The following LCTL variants were observed in gnomAD, a reference collection of about 807,000 sequenced individuals.
The protein encoded by LCTL is lactase like.
A neutral mutation model predicts 75.8 loss-of-function variants in LCTL; 76 were observed. The observed-to-expected ratio is 1.00, with a 90% CI of 0.83 to 1.21. The LOEUF (loss-of-function observed/expected upper bound fraction) is 1.21. Ranked by LOEUF, LCTL falls within the 50% of genes most tolerant of loss-of-function variation. The probability of loss-of-function intolerance (pLI) is 0.00; values close to 1 mark genes in which losing one functional copy is unlikely to be tolerated. For missense variants in LCTL, 670 were observed against 712.4 expected (o/e 0.94, Z 0.68); for synonymous variants, 271 against 268.8 (o/e 1.01, Z -0.08).
At chr15:66,561,094 G>T in exon 6 of LCTL, 1 of 1,614,146 alleles carries the variant, frequency 6.2e-7, no homozygotes, top group Non-Finnish European at 8.5e-7. Flanking sequence ...GCCTTTTTCT[G>T]CCATTGCCTA....
Position 66,564,952 on chromosome 15 carries a change from C to A in LCTL, c.119-113G>T, listed in dbSNP as rs7403574. On this transcript the variant is annotated intron_variant, in intron 1 of 12. Coordinates refer to ENST00000341509, the Ensembl canonical transcript of LCTL. ...GACTGCCCCTCCCTACCACGCTGCC[C>A]CTGTCCCACTGGGGACTTGTCTTCC... The A allele has an allele frequency of 6.6e-4, 644 of 969,340 alleles. 12 individuals carry two copies. The South Asian group carries it at 9.7e-3, about 15-fold the overall frequency. 60.0% of individuals were successfully genotyped at this position (969,340 alleles called of 1,614,324 possible).
At chr15:66,554,073 C>T (rs973497145) in intron 8 of LCTL, among the ~76,000 whole-genome samples, 3 of 151,830 alleles carry the variant, frequency 2.0e-5, no homozygotes, top group Admixed American at 6.6e-5. Context: ...GGGCAGATCA[C>T]GATGTTTAGG....
At position 66,564,667 on chromosome 15, in the gene LCTL, C is replaced by T. The variant is rs371589545; in HGVS notation, c.282+9G>A. The stretch of plus-strand genomic sequence containing the variant: ...CGCGCACACACACACACTCACACCC[C>T]GCACTCACCTGGACCTTGTAGTAGC... On this transcript the variant is annotated intron_variant, in intron 2 of 12. Coordinates refer to ENST00000341509, the Ensembl canonical transcript of LCTL. 3.5e-5 allele frequency: 57 copies of T among 1,610,172 alleles called. No individual in the cohort carries two copies. The highest frequency in any genetic ancestry group is 1.1e-4 in the African/African-American group (8 of 74,544).
chr15:66,549,811 T>G (rs1895529908), intron 12 of LCTL: 1 of 364,848 alleles, frequency 2.7e-6, no homozygotes, highest in Non-Finnish European at 4.9e-6. Context: ...TCTGAAAGAA[T>G]AAAACTTGAA....
At chr15:66,564,908 G>T in intron 1 of LCTL, 69 bp from the exon 3 acceptor site, 1 of 1,467,610 alleles carries the variant, frequency 6.8e-7, no homozygotes, top group Non-Finnish European at 9.2e-7. Context: ...ACTCTGGGCT[G>T]TGCCTCCCAG....
chr15:66,565,611 G>C, upstream of LCTL: 1 of 482,342 alleles, frequency 2.1e-6, no homozygotes, highest in African/African-American at 2.0e-5. Flanking sequence ...CTTGGCTCCT[G>C]TCTGATGGGG....
At chr15:66,564,592 G>T in intron 2 of LCTL, 84 bp downstream of exon 3, 1 of 1,466,430 alleles carries the variant, frequency 6.8e-7, no homozygotes, top group Non-Finnish European at 9.2e-7. Flanking sequence ...TCCCCCAAAC[G>T]TCACTCCCTG....
chr15:66,554,229 T>C (rs1365030789), intron 8 of LCTL, among the ~76,000 whole-genome samples: 2 of 144,596 alleles, frequency 1.4e-5, no homozygotes, highest in Admixed American at 1.4e-4. Flanking sequence ...AGGTGGAGGT[T>C]GCAGTGAGCC....
intron 8 of LCTL, among the ~76,000 whole-genome samples, chr15:66,555,208 G>A (rs562565695): frequency 3.0e-4 from 45 of 152,080 alleles, no homozygotes; most frequent in Non-Finnish European, 5.4e-4. Context: ...ACCAGCTATC[G>A]TCATTGTCCT....
In LCTL at chr15:66,553,141, C is replaced by T. The variant is rs377660237; in HGVS notation, c.1040G>A (p.Arg347Gln). Residue 347 changes from arginine (R) to glutamine (Q), a missense_variant, in exon 9 of 13, where the codon CGG becomes CAG. By Grantham distance (43) the Arg-to-Gln change is conservative. Coordinates refer to ENST00000341509, the Ensembl canonical transcript of LCTL. ...GGGGTAGTTCCTTTCCGTGATGTACCGAGTAGTAAAATGACCTAATCCCAA... is the reference window on the plus strand; with the variant it reads ...GGGGTAGTTCCTTTCCGTGATGTACTGAGTAGTAAAATGACCTAATCCCAA... 9.9e-6 allele frequency: 16 copies of T among 1,611,758 alleles called. No individual in the cohort carries two copies. The highest frequency in any genetic ancestry group is 2.7e-5 in the African/African-American group (2 of 74,854).
In LCTL at chr15:66,548,839, T is replaced by G. The variant is rs138643829; in HGVS notation, c.1589-234A>C. The stretch of plus-strand genomic sequence containing the variant: ...TGGGATAAATGCCTGAATTTGGTTC[T>G]TCTACAGGTGCTATAATAAAGTCCA... On this transcript the variant is annotated intron_variant, in intron 12 of 12. Coordinates refer to ENST00000341509, the Ensembl canonical transcript of LCTL. 970 of 292,480 alleles carry G rather than the reference T, an allele frequency of 3.3e-3. 3 individuals carry two copies. The highest frequency in any genetic ancestry group is 7.4e-3 in the Middle Eastern group (7 of 952). 18.1% of individuals were successfully genotyped at this position (292,480 alleles called of 1,614,324 possible). A position where few individuals can be genotyped will look rare whatever the true frequency, so the allele number is the denominator to read the frequency against.
exon 5 of LCTL, chr15:66,561,188 C>A (rs762015361): frequency 1.9e-6 from 3 of 1,614,196 alleles, no homozygotes; most frequent in Non-Finnish European, 2.5e-6. Context: ...CCTGCTTACC[C>A]GAGGATCACT....
At chr15:66,552,900 T>C in intron 9 of LCTL, 84 bp downstream of exon 10, 1 of 1,246,102 alleles carries the variant, frequency 8.0e-7, no homozygotes, top group Non-Finnish European at 1.1e-6. Flanking sequence ...TTTATTAACT[T>C]TCTAATGTAG....
rs761602593 is a variant in LCTL at position 66,564,754 on chromosome 15, G to A, written c.204C>T (p.Val68=). The change falls in exon 2 of 13, where the codon GTC becomes GTT. Residue 68 remains valine (V), a synonymous_variant. Coordinates refer to ENST00000341509, the Ensembl canonical transcript of LCTL. Reference sequence around the variant, plus strand: ...CTTTCCCCTTCCCACTGTGTGTGAAGACGTCCCAGATGCTAGGCCCTTTCC... The same window carrying A: ...CTTTCCCCTTCCCACTGTGTGTGAAAACGTCCCAGATGCTAGGCCCTTTCC... 26 of 1,613,488 alleles carry A rather than the reference G, an allele frequency of 1.6e-5. No individual in the cohort carries two copies. The South Asian group carries it at 2.1e-4, about 13-fold the overall frequency.
At chr15:66,558,165 G>A (rs67124721) in intron 6 of LCTL, 129 bp from the exon 8 acceptor site, 87,824 of 636,228 alleles carry the variant, frequency 0.14, 6,835 homozygotes, top group Non-Finnish European at 0.16. Context: ...TGTTTATCCC[G>A]ATCCAGTCTT....
At chr15:66,553,112 G>T in exon 9 of LCTL, 1 of 1,611,386 alleles carries the variant, frequency 6.2e-7, no homozygotes, top group Non-Finnish European at 8.5e-7. Flanking sequence ...GGCCCCTGGC[G>T]GGAGGGGTAG....
chr15:66,553,796 G>C (rs1414896610), intron 8 of LCTL, among the ~76,000 whole-genome samples: 1 of 151,466 alleles, frequency 6.6e-6, no homozygotes, highest in Non-Finnish European at 1.5e-5. Flanking sequence ...AGATTACTCA[G>C]TAAGTGGTGT....
In LCTL at chr15:66,552,691, ATTG is replaced by A. The variant is rs750903178; in HGVS notation, c.1197+290_1197+292del. Among the ~76,000 whole-genome samples, 10 of 95,648 alleles carry A rather than the reference ATTG, an allele frequency of 1.0e-4. 1 individual carries two copies. The highest frequency in any genetic ancestry group is 2.4e-4 in the Non-Finnish European group (9 of 37,276). The allele number at this position is 95,648 out of a possible 152,430, so 62.7% of individuals were successfully genotyped here. A position where few individuals can be genotyped will look rare whatever the true frequency, so the allele number is the denominator to read the frequency against. ...TCAAAAAAAAAAAAAAAAAAAAAAC[ATTG>A]TTGGAGGGGACATGTACTTTGGTCT... On this transcript the variant is annotated intron_variant, in intron 9 of 12. Transcript: ENST00000341509.
At chr15:66,552,252 C>G in intron 9 of LCTL, 83 bp from the exon 11 acceptor site, 14 of 1,107,154 alleles carry the variant, frequency 1.3e-5, no homozygotes, top group Non-Finnish European at 1.8e-5. Context: ...TATAGGAACA[C>G]ATATTCAAGC....
Sources: allele counts gnomAD v4.1 joint callset (sites outside exome capture counted in the v4.1 genomes callset), GRCh38; gene constraint gnomAD v4.1.1; transcripts MANE v1.5; gene names NCBI Gene and HGNC (gene_info 2026-07-23, HGNC 2026-07-21).